The following SH3TC2 variants were observed in gnomAD, a reference collection of about 807,000 sequenced individuals.
SH3TC2 encodes the protein SH3 domain and tetratricopeptide repeats 2.
In SH3TC2, 87 loss-of-function variants were observed where a neutral mutation model predicts 124.5. That is an observed-to-expected ratio of 0.70 (90% CI 0.59 to 0.84). The LOEUF (loss-of-function observed/expected upper bound fraction) is 0.84, where lower values mean the gene tolerates loss of function less well. Ranked by LOEUF, SH3TC2 falls within the 40% of genes least tolerant of loss-of-function variation. The pLI is 0.00. For missense variants in SH3TC2, 1,536 were observed against 1,566.4 expected (o/e 0.98, Z 0.33); for synonymous variants, 634 against 628.5 (o/e 1.01, Z -0.13).
At chr5:149,053,108 C>T (rs771567315) in intron 1 of SH3TC2, among the ~76,000 whole-genome samples, 1 of 152,176 alleles carries the variant, frequency 6.6e-6, no homozygotes, top group Non-Finnish European at 1.5e-5. Flanking sequence ...AGTTAGGGAA[C>T]CTTGGCTCAA....
chr5:149,003,848 T>TAAAA lies in SH3TC2; in HGVS notation c.*862_*863insTTTT. ...CCTGGGCAACAGAGGAGAAACTGTC[T>TAAAA]CAAAAAAAAAAAAAAAAAAAAAAGA... On this transcript the variant is annotated 3_prime_UTR_variant, in exon 17 of 17. Transcript: ENST00000515425. 7.5e-6 allele frequency: 1 copy of TAAAA among 133,586 alleles called. No homozygotes were observed. Among genetic ancestry groups the TAAAA allele is most frequent in the South Asian group, 5.8e-5 (1 of 17,272 alleles). The allele number at this position is 133,586 out of a possible 1,614,324, so 8.3% of individuals were successfully genotyped here.
In SH3TC2 at chr5:148,987,661, G is replaced by A. The variant is rs1439467367; in HGVS notation, c.*17050C>T. ...GCCAGGAATGACTACAGAAACAAAG[G>A]GAAACCTTATAACGAGTGTGGTGGA... On this transcript the variant is annotated 3_prime_UTR_variant, in exon 17 of 17. Transcript: ENST00000515425. Among the ~76,000 whole-genome samples, 1 of 152,102 alleles carries A rather than the reference G, an allele frequency of 6.6e-6. No individual in the cohort carries two copies. Among genetic ancestry groups the A allele is most frequent in the East Asian group, 1.9e-4 (1 of 5,188 alleles).
At chr5:149,058,896 C>T (rs746553657) in intron 1 of SH3TC2, among the ~76,000 whole-genome samples, 1 of 151,918 alleles carries the variant, frequency 6.6e-6, no homozygotes, top group Non-Finnish European at 1.5e-5. Context: ...ACTTGGGTAA[C>T]CTGGGAAGGA....
At chr5:149,050,612 C>G (rs759691928) in intron 2 of SH3TC2, among the ~76,000 whole-genome samples, 2 of 152,134 alleles carry the variant, frequency 1.3e-5, no homozygotes, top group African/African-American at 4.8e-5. Context: ...AGCTGACAGA[C>G]AGATAAGCAG....
chr5:149,010,010 G>T (rs1341473494), intron 14 of SH3TC2, among the ~76,000 whole-genome samples: 1 of 152,142 alleles, frequency 6.6e-6, no homozygotes, highest in Non-Finnish European at 1.5e-5. Context: ...AGATGGTCTT[G>T]ATCTCCTGGA....
In SH3TC2 at chr5:148,995,485, C is replaced by A. The variant is rs535586127; in HGVS notation, c.*9226G>T. ...AAAATTAAGAAAAGACCTACCACAG[C>A]TATAGCAACTTATTCTAAACAAACA... On this transcript the variant is annotated 3_prime_UTR_variant, in exon 17 of 17. Coordinates refer to ENST00000515425, the MANE Select transcript of SH3TC2 (RefSeq NM_024577.4). Among the ~76,000 whole-genome samples, 9 of 152,304 alleles carry A rather than the reference C, an allele frequency of 5.9e-5. No individual in the cohort carries two copies. Among genetic ancestry groups the A allele is most frequent in the African/African-American group, 1.9e-4 (8 of 41,568 alleles).
chr5:149,038,217 T>G, intron 8 of SH3TC2, 78 bp downstream of exon 8: 1 of 1,472,980 alleles, frequency 6.8e-7, no homozygotes, highest in African/African-American at 1.4e-5. Flanking sequence ...GAAGCTCAAC[T>G]GCAAATCTGC....
At chr5:149,007,959 A>G (rs994958909) in intron 15 of SH3TC2, 1 of 152,672 alleles carries the variant, frequency 6.5e-6, no homozygotes, top group Non-Finnish European at 1.5e-5. Flanking sequence ...AGTGAGGGAT[A>G]AAGAGTGCTC....
At chr5:149,020,269 A>C (rs1354354122) in intron 12 of SH3TC2, among the ~76,000 whole-genome samples, 1 of 152,240 alleles carries the variant, frequency 6.6e-6, no homozygotes, top group African/African-American at 2.4e-5. Flanking sequence ...TAAGATTTTT[A>C]TTTTTAAAAA....
rs59488533 is a variant in SH3TC2 at position 149,017,638 on chromosome 5, G to A, written c.3054-4904C>T. ...TCATAAATTGAGAAGTCAAGGATCT[G>A]AGCTAGTACCAGTGAAACCAAGTGG... On this transcript the variant is annotated intron_variant, in intron 12 of 16. Transcript: ENST00000515425. 2.4e-3 allele frequency among the ~76,000 whole-genome samples: 368 copies of A among 152,284 alleles called. 8 individuals carry two copies. In the East Asian group the frequency reaches 0.067, roughly 28 times the overall value.
chr5:149,038,597 A>T, intron 7 of SH3TC2, 107 bp from the exon 8 acceptor site: 1 of 1,196,428 alleles, frequency 8.4e-7, no homozygotes. Context: ...TTAGAATGTC[A>T]AGGACCAGTA....
chr5:149,044,635 G>C lies in SH3TC2; in HGVS notation c.283C>G (p.Leu95Val), dbSNP rs541695222. ...DQEVRMLFKD[L>V]SARLVSIQSQ... ...TGGATACTGACCAACCTTGCTGAGA[G>C]GTCCTACGTAAAGGAAACAATGAGT... Residue 95 changes from leucine to valine, a missense_variant, in exon 4 of 17, where the codon CTC becomes GTC. Transcript: ENST00000515425. 11 of 1,613,520 alleles carry C rather than the reference G, an allele frequency of 6.8e-6. No individual in the cohort carries two copies. In the East Asian group the frequency reaches 2.5e-4, roughly 36 times the overall value.
chr5:149,055,918 A>G (rs1193133756), intron 1 of SH3TC2, among the ~76,000 whole-genome samples: 1 of 152,154 alleles, frequency 6.6e-6, no homozygotes, highest in African/African-American at 2.4e-5. Context: ...CCATCCCCCA[A>G]AAATTAAATA....
At chr5:149,019,141 T>C (rs901337353) in intron 12 of SH3TC2, among the ~76,000 whole-genome samples, 2 of 152,236 alleles carry the variant, frequency 1.3e-5, no homozygotes, top group African/African-American at 4.8e-5. Flanking sequence ...AACAGATACA[T>C]GTGTTTATGT....
chr5:149,041,443 A>G lies in SH3TC2; in HGVS notation c.704T>C (p.Leu235Ser), dbSNP rs760406731. 6.2e-7 allele frequency: 1 copy of G among 1,613,282 alleles called. No homozygotes were observed. Among genetic ancestry groups the G allele is most frequent in the East Asian group, 2.2e-5 (1 of 44,876 alleles). ...GQRGLVLVSA[L>S]EPLPLPFHQW... ...GTGGAAAGGGAGAGGCAGAGGCTCCAAGGCTGACACCAGTACCAGGCCCCG... is the reference window on the plus strand; with the variant it reads ...GTGGAAAGGGAGAGGCAGAGGCTCCGAGGCTGACACCAGTACCAGGCCCCG... Residue 235 changes from leucine (L) to serine (S), a missense_variant, in exon 6 of 17, where the codon TTG becomes TCG. Physicochemically the swap from Leu to Ser is moderately radical, Grantham distance 145. Transcript: ENST00000515425.
In SH3TC2 at chr5:148,989,895, A is replaced by C. The variant is rs1400556621; in HGVS notation, c.*14816T>G. Among the ~76,000 whole-genome samples, 1 of 152,114 alleles carries C rather than the reference A, an allele frequency of 6.6e-6. No individual in the cohort carries two copies. The highest frequency in any genetic ancestry group is 1.9e-4 in the East Asian group (1 of 5,190). On this transcript the variant is annotated 3_prime_UTR_variant, in exon 17 of 17. Coordinates refer to ENST00000515425, the MANE Select transcript of SH3TC2 (RefSeq NM_024577.4). ...ATCAATCCACCTGCACTGGGGAAAA[A>C]TGAGATACATAACAGAAAAGAATGA...
At position 149,027,581 on chromosome 5, in the gene SH3TC2, G is replaced by T; in HGVS notation, c.2151C>A (p.Asn717Lys). Residue 717 changes from asparagine (N) to lysine (K), a missense_variant, in exon 11 of 17, where the codon AAC becomes AAA. By Grantham distance (94) the Asn-to-Lys change is moderately conservative. Coordinates refer to ENST00000515425, the MANE Select transcript of SH3TC2 (RefSeq NM_024577.4). ...PIWQVHLVLQ[N>K]TTKLLGFPSP... ...AAGGAAAGCCAAGGAGCTTGGTTGT[G>T]TTCTGGAGGACAAGGTGGACCTGCC... is the stretch of plus-strand genomic sequence containing the variant. The T allele has an allele frequency of 6.2e-7, 1 of 1,614,242 alleles. No homozygotes were observed. Among genetic ancestry groups the T allele is most frequent in the Non-Finnish European group, 8.5e-7 (1 of 1,180,038 alleles).
chr5:149,009,833 A>T (rs1310742188), intron 14 of SH3TC2, among the ~76,000 whole-genome samples: 4 of 152,240 alleles, frequency 2.6e-5, no homozygotes, highest in African/African-American at 9.6e-5. Context: ...TTTTAATTTT[A>T]AAAAATATAT....
intron 8 of SH3TC2, among the ~76,000 whole-genome samples, chr5:149,033,655 C>T (rs924753870): frequency 4.6e-5 from 7 of 152,186 alleles, no homozygotes; most frequent in Non-Finnish European, 1.0e-4. Flanking sequence ...AGTTCAACTT[C>T]TGTAAAGAGC....
Sources: allele counts gnomAD v4.1 joint callset (sites outside exome capture counted in the v4.1 genomes callset), GRCh38; gene constraint gnomAD v4.1.1; transcripts MANE v1.5; gene names NCBI Gene and HGNC (gene_info 2026-07-23, HGNC 2026-07-21).